Variants in SCHIP1 observed in about 807,000 individuals in gnomAD.
SCHIP1 encodes schwannomin-interacting protein 1.
In SCHIP1, 8 loss-of-function variants were observed where a neutral mutation model predicts 29.7. The observed-to-expected ratio is 0.27, with a 90% CI of 0.16 to 0.49. The LOEUF (loss-of-function observed/expected upper bound fraction) is 0.49, where lower values mean the gene tolerates loss of function less well. Among genes scored for constraint, SCHIP1 ranks in the 20% least tolerant of loss-of-function variants. The pLI, the probability that SCHIP1 is intolerant of heterozygous loss-of-function variation, is 0.99. For synonymous variants in SCHIP1, 76 were observed against 94.9 expected, an observed-to-expected ratio of 0.80 and a Z score of 1.16; for missense variants, 193 against 294.6, an observed-to-expected ratio of 0.66 and a Z score of 2.52.
At chr3:159,817,286 G>A in the SCHIP1 span, among the ~76,000 whole-genome samples, 2 of 152,032 alleles carry the variant, frequency 1.3e-5, no homozygotes, top group Admixed American at 6.6e-5. Context: ...GTCTGAAGGA[G>A]AAAAGCAAGC....
chr3:159,645,973 T>C, the SCHIP1 span, among the ~76,000 whole-genome samples: 1 of 152,266 alleles, frequency 6.6e-6, no homozygotes. Context: ...TGTCTTAAAT[T>C]GGGTCCTCCA....
chr3:159,389,996 C>G, the SCHIP1 span, among the ~76,000 whole-genome samples: 1 of 151,972 alleles, frequency 6.6e-6, no homozygotes, highest in Non-Finnish European at 1.5e-5. Context: ...TTTAATTGCT[C>G]CATGGAATAT....
chr3:159,360,370 G>T, the SCHIP1 span, among the ~76,000 whole-genome samples: 2 of 152,136 alleles, frequency 1.3e-5, no homozygotes, highest in Non-Finnish European at 2.9e-5. Context: ...AACTACCACT[G>T]CAAACAGGAA....
At chr3:159,290,881 A>C in the SCHIP1 span, among the ~76,000 whole-genome samples, 3 of 152,176 alleles carry the variant, frequency 2.0e-5, no homozygotes, top group Non-Finnish European at 2.9e-5. Flanking sequence ...TATAAAGCTA[A>C]AACATTATGT....
the SCHIP1 span, among the ~76,000 whole-genome samples, chr3:159,379,819 A>G: frequency 2.6e-5 from 4 of 152,182 alleles, no homozygotes; most frequent in Admixed American, 2.6e-4. Context: ...CAACTCTGAG[A>G]AGAAATATGG....
the SCHIP1 span, among the ~76,000 whole-genome samples, chr3:159,582,654 A>G: frequency 6.6e-6 from 1 of 152,096 alleles, no homozygotes; most frequent in Admixed American, 6.6e-5. Context: ...TAACTTTTAT[A>G]TGCACTGGGA....
chr3:159,634,140 A>T, the SCHIP1 span, among the ~76,000 whole-genome samples: 1 of 152,178 alleles, frequency 6.6e-6, no homozygotes, highest in African/African-American at 2.4e-5. Context: ...AACAGAAAAT[A>T]AAGAGATTAT....
chr3:159,839,391 G>A (rs532324341), upstream of SCHIP1, among the ~76,000 whole-genome samples: 5 of 151,550 alleles, frequency 3.3e-5, no homozygotes, highest in African/African-American at 1.2e-4. Flanking sequence ...ACTTATAACA[G>A]CAATTATTCT....
the SCHIP1 span, among the ~76,000 whole-genome samples, chr3:159,762,145 C>G: frequency 6.6e-6 from 1 of 152,226 alleles, no homozygotes; most frequent in Non-Finnish European, 1.5e-5. Context: ...CAGGGCTCCA[C>G]AGCAATCTCA....
the SCHIP1 span, among the ~76,000 whole-genome samples, chr3:159,813,118 T>C: frequency 6.6e-6 from 1 of 152,324 alleles, no homozygotes; most frequent in East Asian, 1.9e-4. Context: ...ACCATTACGT[T>C]GGGGACCAAG....
chr3:159,843,175 G>A (rs1744436331), intron 1 of SCHIP1, among the ~76,000 whole-genome samples: 1 of 151,040 alleles, frequency 6.6e-6, no homozygotes, highest in African/African-American at 2.4e-5. Context: ...ACCATGCCCA[G>A]CTAATTTTTG....
the SCHIP1 span, among the ~76,000 whole-genome samples, chr3:159,365,610 C>G: frequency 4.6e-5 from 7 of 152,208 alleles, no homozygotes; most frequent in African/African-American, 1.7e-4. Context: ...CCTTTCTACG[C>G]ACTACATTAG....
At chr3:159,325,440 G>A in the SCHIP1 span, among the ~76,000 whole-genome samples, 1 of 152,064 alleles carries the variant, frequency 6.6e-6, no homozygotes, top group Admixed American at 6.6e-5. Context: ...GCAATCAGAT[G>A]TCTTTCCCAG....
the SCHIP1 span, among the ~76,000 whole-genome samples, chr3:159,766,603 T>C: frequency 2.0e-5 from 3 of 152,242 alleles, no homozygotes; most frequent in African/African-American, 4.8e-5. Context: ...GTGACATTTA[T>C]ACATTCCAGG....
the SCHIP1 span, among the ~76,000 whole-genome samples, chr3:159,307,932 G>A: frequency 6.6e-6 from 1 of 152,066 alleles, no homozygotes; most frequent in African/African-American, 2.4e-5. Context: ...ACTGACCTGT[G>A]TGTCTGTTTT....
chr3:159,761,021 A>G, the SCHIP1 span, among the ~76,000 whole-genome samples: 369 of 152,360 alleles, frequency 2.4e-3, no homozygotes, highest in Middle Eastern at 0.01. Context: ...GCCTTCCCTG[A>G]GGAAGTAACA....
At chr3:159,507,364 G>A in the SCHIP1 span, among the ~76,000 whole-genome samples, 2 of 152,196 alleles carry the variant, frequency 1.3e-5, no homozygotes, top group African/African-American at 2.4e-5. Context: ...AGGAGATTTT[G>A]CGCTGAGTCG....
the SCHIP1 span, among the ~76,000 whole-genome samples, chr3:159,382,339 T>A: frequency 1.3e-5 from 2 of 149,976 alleles, no homozygotes; most frequent in African/African-American, 2.5e-5. Flanking sequence ...TTCCCACCTA[T>A]GAGTGAGAAT....
the SCHIP1 span, among the ~76,000 whole-genome samples, chr3:159,434,464 T>C: frequency 1.3e-5 from 2 of 152,064 alleles, no homozygotes; most frequent in African/African-American, 4.8e-5. Context: ...GTTCTGAAGA[T>C]GGTTCATTAG....
Sources: gnomAD v4.1 joint callset for allele counts (sites outside exome capture counted in the v4.1 genomes callset) on GRCh38, gnomAD v4.1.1 for gene constraint, MANE v1.5 for transcripts, NCBI Gene and HGNC (gene_info 2026-07-23, HGNC 2026-07-21) for gene names.